The following VPS53 variants were observed in gnomAD, a reference collection of about 807,000 sequenced individuals.
The protein encoded by VPS53 is vacuolar protein sorting-associated protein 53 homolog.
A neutral mutation model predicts 107.0 loss-of-function variants in VPS53; 70 were observed. The observed-to-expected ratio is 0.65, with a 90% CI of 0.54 to 0.80. The LOEUF is 0.80. Ranked by LOEUF, VPS53 falls within the 30% of genes least tolerant of loss-of-function variation. The pLI is 0.00. For missense variants in VPS53, 917 were observed against 1,049.4 expected, an observed-to-expected ratio of 0.87 and a Z score of 1.74; for synonymous variants, 409 against 393.3, an observed-to-expected ratio of 1.04 and a Z score of -0.47.
intron 13 of VPS53, among the ~76,000 whole-genome samples, chr17:578,657 T>C (rs922413483): frequency 6.6e-6 from 1 of 151,138 alleles, no homozygotes; most frequent in Admixed American, 6.6e-5. Context: ...AGCCAATGCA[T>C]TCCCAGACAA....
intron 17 of VPS53, chr17:551,654 A>G (rs1056960426): frequency 1.0e-4 from 35 of 341,018 alleles, no homozygotes; most frequent in Non-Finnish European, 1.8e-4. Flanking sequence ...GCCATCCTCC[A>G]ATACTGTGAT....
intron 11 of VPS53, among the ~76,000 whole-genome samples, chr17:619,846 G>A (rs1320163551): frequency 7.4e-6 from 1 of 135,830 alleles, no homozygotes; most frequent in African/African-American, 2.9e-5. Flanking sequence ...AATATTTCCC[G>A]GGTAGCTGGG....
At chr17:664,442 C>T (rs887297752) in intron 4 of VPS53, among the ~76,000 whole-genome samples, 1 of 152,060 alleles carries the variant, frequency 6.6e-6, no homozygotes, top group African/African-American at 2.4e-5. Context: ...GAAAAGACCT[C>T]GGTGTTTTGG....
At chr17:683,575 T>C (rs969340607) in intron 4 of VPS53, among the ~76,000 whole-genome samples, 10 of 152,196 alleles carry the variant, frequency 6.6e-5, no homozygotes, top group Non-Finnish European at 4.4e-5. Context: ...TCTAAGGAGA[T>C]AAAAATGAGA....
At chr17:642,947 AC>A (rs1970496145) in intron 7 of VPS53, among the ~76,000 whole-genome samples, 1 of 111,884 alleles carries the variant, frequency 8.9e-6, no homozygotes, top group Non-Finnish European at 2.1e-5. Flanking sequence ...ATACTTGGCA[AC>A]CGAGGACAAC....
intron 7 of VPS53, among the ~76,000 whole-genome samples, chr17:644,503 T>A (rs1398116026): frequency 1.3e-5 from 2 of 152,144 alleles, no homozygotes; most frequent in East Asian, 3.8e-4. Flanking sequence ...TCTCAAACGT[T>A]TAGTACCTCT....
intron 19 of VPS53, chr17:531,838 G>C (rs905029775): frequency 6.8e-6 from 1 of 146,638 alleles, no homozygotes; most frequent in Non-Finnish European, 1.5e-5. Flanking sequence ...GAGCAGTGGC[G>C]TGATCTGAGC....
Position 517,274 on chromosome 17 carries a change from G to A in VPS53, c.*1854C>T, listed in dbSNP as rs766859252. ...TTCTCCTCCGCATTCTCAAATTTGA[G>A]ACGCTTGATGCGTGAGAGTCAAACC... On this transcript the variant is annotated 3_prime_UTR_variant, in exon 22 of 22. Transcript: ENST00000437048. The A allele has an allele frequency of 1.6e-4, 63 of 393,836 alleles. No homozygotes were observed. Among genetic ancestry groups the A allele is most frequent in the Non-Finnish European group, 2.4e-4 (53 of 223,628 alleles). 24.4% of individuals were successfully genotyped at this position (393,836 alleles called of 1,614,324 possible).
chr17:658,376 C>T (rs113979936), intron 5 of VPS53, among the ~76,000 whole-genome samples: 8 of 123,854 alleles, frequency 6.5e-5, no homozygotes, highest in African/African-American at 1.2e-4. Context: ...GAAACTCGGC[C>T]GTGAGTTCGT....
intron 5 of VPS53, among the ~76,000 whole-genome samples, chr17:659,349 T>C (rs575321214): frequency 5.9e-4 from 90 of 152,208 alleles, no homozygotes; most frequent in Non-Finnish European, 1.1e-3. Flanking sequence ...AGTAGTGCGA[T>C]CTTGGTTCAC....
intron 7 of VPS53, among the ~76,000 whole-genome samples, chr17:643,179 A>C (rs1184891381): frequency 9.4e-5 from 7 of 74,202 alleles, no homozygotes; most frequent in African/African-American, 2.9e-4. Context: ...TCATACTTGG[A>C]AAGCGAGGAC....
chr17:553,371 G>C lies in VPS53; in HGVS notation c.1787+9C>G, dbSNP rs775216532. 6 of 1,613,502 alleles carry C rather than the reference G, an allele frequency of 3.7e-6. No homozygotes were observed. In the African/African-American group the frequency reaches 8.0e-5, roughly 22 times the overall value. The stretch of plus-strand genomic sequence containing the variant: ...GCAGGCAGCCAGTAAGTGTGTGCAG[G>C]GTACATACGTGCTGAACGTGTCCAT... On this transcript the variant is annotated intron_variant, in intron 16 of 21. Transcript: ENST00000437048.
At chr17:546,398 C>T (rs1911202134) in intron 17 of VPS53, among the ~76,000 whole-genome samples, 1 of 145,062 alleles carries the variant, frequency 6.9e-6, no homozygotes, top group African/African-American at 2.6e-5. Flanking sequence ...TTCAGAAAAT[C>T]AAGGACATTA....
intron 12 of VPS53, among the ~76,000 whole-genome samples, chr17:587,280 C>T (rs921822248): frequency 6.6e-6 from 1 of 152,166 alleles, no homozygotes; most frequent in Non-Finnish European, 1.5e-5. Flanking sequence ...CCAGGCTAGT[C>T]TCGAACTCTT....
chr17:571,591 G>C (rs1316886520), intron 13 of VPS53, among the ~76,000 whole-genome samples: 1 of 150,096 alleles, frequency 6.7e-6, no homozygotes, highest in Admixed American at 6.6e-5. Flanking sequence ...CTCTGATGCC[G>C]AGCCGAAGCT....
chr17:661,494 G>C (rs1261334826), intron 5 of VPS53, among the ~76,000 whole-genome samples: 2 of 145,936 alleles, frequency 1.4e-5, no homozygotes, highest in Admixed American at 7.0e-5. Flanking sequence ...GCACTCCAAG[G>C]CTGGCGACAG....
chr17:549,547 T>C (rs1010511895), intron 17 of VPS53, among the ~76,000 whole-genome samples: 10 of 151,546 alleles, frequency 6.6e-5, no homozygotes, highest in African/African-American at 2.2e-4. Flanking sequence ...TAAGCAACAC[T>C]TGCAGTGTTA....
intron 5 of VPS53, among the ~76,000 whole-genome samples, chr17:661,310 A>G (rs530499900): frequency 2.9e-4 from 44 of 152,022 alleles, no homozygotes; most frequent in African/African-American, 1.1e-3. Context: ...TCATGAGGTC[A>G]AGAGATTGAG....
At chr17:638,396 G>A (rs570545399) in intron 7 of VPS53, among the ~76,000 whole-genome samples, 62 of 152,250 alleles carry the variant, frequency 4.1e-4, no homozygotes, top group African/African-American at 1.4e-3. Context: ...CTTTTAATTG[G>A]AGCATTTAGC....
Sources: gnomAD v4.1 joint callset for allele counts (sites outside exome capture counted in the v4.1 genomes callset) on GRCh38, gnomAD v4.1.1 for gene constraint, MANE v1.5 for transcripts, NCBI Gene and HGNC (gene_info 2026-07-23, HGNC 2026-07-21) for gene names.